The following ZNF215 variants were observed in gnomAD, a reference collection of about 807,000 sequenced individuals.
The protein encoded by ZNF215 is BWSCR2-associated zinc finger protein 2.
ZNF215 carries 24 observed loss-of-function variants against 27.2 expected under a neutral mutation model. That is an observed-to-expected ratio of 0.88 (90% CI 0.64 to 1.24). The LOEUF is 1.24. Ranked by LOEUF, ZNF215 falls within the 50% of genes most tolerant of loss-of-function variation. The pLI is 0.00. For synonymous variants in ZNF215, 210 were observed against 204.0 expected, an observed-to-expected ratio of 1.03 and a Z score of -0.25; for missense variants, 675 against 605.7, an observed-to-expected ratio of 1.11 and a Z score of -1.20.
At chr11:6,977,742 G>T (rs1472088248) in intron 5 of ZNF215, among the ~76,000 whole-genome samples, 2 of 152,006 alleles carry the variant, frequency 1.3e-5, no homozygotes, top group Non-Finnish European at 2.9e-5. Context: ...AATTTCTGTT[G>T]TATATGCCAT....
At chr11:6,990,206 G>A (rs995783525), downstream of ZNF215, among the ~76,000 whole-genome samples, 1 of 152,120 alleles carries the variant, frequency 6.6e-6, no homozygotes, top group Non-Finnish European at 1.5e-5. Context: ...ATGTGTATCA[G>A]GCAGCAAGCC....
intron 2 of ZNF215, among the ~76,000 whole-genome samples, chr11:6,931,851 GT>G (rs955409391): frequency 6.6e-6 from 1 of 152,124 alleles, no homozygotes; most frequent in Non-Finnish European, 1.5e-5. Context: ...CAATTACGAA[GT>G]TTTTTTAAAT....
chr11:6,968,783 C>T (rs1299479188), intron 5 of ZNF215, among the ~76,000 whole-genome samples: 1 of 151,880 alleles, frequency 6.6e-6, no homozygotes, highest in East Asian at 1.9e-4. Context: ...GGAGGATCAC[C>T]TGAGCCCAGG....
chr11:6,932,767 A>G, intron 3 of ZNF215, 95 bp downstream of exon 3: 1 of 1,185,188 alleles, frequency 8.4e-7, no homozygotes, highest in Non-Finnish European at 1.2e-6. Flanking sequence ...CAAGTGCCAG[A>G]TCTTGAAGGA....
At position 6,956,146 on chromosome 11, in the gene ZNF215, G is replaced by A. The variant is rs139816129; in HGVS notation, c.1169G>A (p.Arg390Gln). The change falls in exon 7 of 7, where the codon CGA (arginine) becomes CAA (glutamine). Residue 390 changes from arginine to glutamine, a missense_variant. Physicochemically the swap from Arg to Gln is conservative, Grantham distance 43. Transcript: ENST00000278319. The part of the protein sequence containing the change: ...ECYQCGKAFC[R>Q]SSSLIRHQII... The stretch of plus-strand genomic sequence containing the variant: ...TATCAATGTGGGAAAGCCTTCTGCC[G>A]AAGTTCATCCCTTATTCGACATCAG... 3.3e-4 allele frequency: 530 copies of A among 1,613,684 alleles called. No individual in the cohort carries two copies. The highest frequency in any genetic ancestry group is 1.8e-3 in the Middle Eastern group (11 of 6,060).
intron 5 of ZNF215, among the ~76,000 whole-genome samples, chr11:6,981,575 T>C (rs1850953113): frequency 6.6e-6 from 1 of 152,030 alleles, no homozygotes; most frequent in Non-Finnish European, 1.5e-5. Flanking sequence ...TTCACTCTGA[T>C]GGTAGTTTCT....
In ZNF215 at chr11:6,965,323, T is replaced by C. The variant is rs577894642; in HGVS notation, c.805+9541T>C. 1.1e-4 allele frequency among the ~76,000 whole-genome samples: 16 copies of C among 152,274 alleles called. No individual in the cohort carries two copies. In the South Asian group the frequency reaches 2.7e-3, roughly 26 times the overall value. ...CAGTGACTGGAGGTATTCACTAGTA[T>C]GCAATGATGTAAAACCTGTTTTTAA... On this transcript the variant is annotated intron_variant, in intron 5 of 5. Transcript: ENST00000529903.
chr11:6,943,243 T>A, intron 5 of ZNF215, 28 bp downstream of exon 5: 1 of 1,590,972 alleles, frequency 6.3e-7, no homozygotes, highest in Non-Finnish European at 8.5e-7. Flanking sequence ...ACCTAATCTG[T>A]CCATTTAGTA....
chr11:6,953,359 C>T (rs940662031), intron 6 of ZNF215, among the ~76,000 whole-genome samples: 3 of 152,238 alleles, frequency 2.0e-5, no homozygotes, highest in African/African-American at 4.8e-5. Context: ...TTCCCCGTCA[C>T]TTTCAGATAC....
chr11:6,928,778 A>AT (rs1469002120), intron 2 of ZNF215, among the ~76,000 whole-genome samples: 4 of 151,692 alleles, frequency 2.6e-5, no homozygotes, highest in Non-Finnish European at 5.9e-5. Flanking sequence ...CCCATAGTTC[A>AT]TTTTTTTGTT....
At position 6,983,407 on chromosome 11, in the gene ZNF215, A is replaced by G. The variant is rs183551095; in HGVS notation, c.806-722A>G. On this transcript the variant is annotated intron_variant, in intron 5 of 5. Coordinates refer to the ZNF215 transcript ENST00000529903. ...GAGGGAATCCTCCCTAACTCATTTTATGAGGCCAGCATCATCTTGATACCA... is the reference window on the plus strand; with the variant it reads ...GAGGGAATCCTCCCTAACTCATTTTGTGAGGCCAGCATCATCTTGATACCA... 2.2e-3 allele frequency among the ~76,000 whole-genome samples: 337 copies of G among 152,330 alleles called. 3 individuals are homozygous for G. Among genetic ancestry groups the G allele is most frequent in the Admixed American group, 5.6e-3 (85 of 15,296 alleles).
At position 6,956,361 on chromosome 11, in the gene ZNF215, T is replaced by G; in HGVS notation, c.1384T>G (p.Tyr462Asp). 1 of 1,614,172 alleles carries G rather than the reference T, an allele frequency of 6.2e-7. No individual in the cohort carries two copies. The highest frequency in any genetic ancestry group is 8.5e-7 in the Non-Finnish European group (1 of 1,180,012). Residue 462 changes from tyrosine (Y) to aspartate (D), a missense_variant, in exon 7 of 7, where the codon TAT (tyrosine) becomes GAT (aspartate). Tyr to Asp is a radical substitution (Grantham distance 160). Transcript: ENST00000278319. The part of the protein sequence containing the change: ...NPTLHFGNNF[Y>D]QCVNCGKSFN... ...AACACTCCATTTTGGAAACAATTTCTATCAATGTGTTAACTGTGGAAAATC... is the reference window on the plus strand; with the variant it reads ...AACACTCCATTTTGGAAACAATTTCGATCAATGTGTTAACTGTGGAAAATC...
chr11:6,932,061 G>T, intron 2 of ZNF215, 33 bp from the exon 3 acceptor site: 2 of 522,494 alleles, frequency 3.8e-6, no homozygotes, highest in Non-Finnish European at 6.6e-6. Context: ...ATAGATGTTT[G>T]TTCCCTGTGG....
chr11:6,949,576 GTTGT>G (rs199580078), intron 6 of ZNF215, among the ~76,000 whole-genome samples: 8,936 of 152,168 alleles, frequency 0.059, 325 homozygotes, highest in East Asian at 0.15. Context: ...TGTTGATGGC[GTTGT>G]TTGTTTTTTT....
chr11:6,933,047 G>C (rs1849318869), intron 3 of ZNF215, among the ~76,000 whole-genome samples: 1 of 152,228 alleles, frequency 6.6e-6, no homozygotes. Flanking sequence ...ACTTGTAGCA[G>C]AGACTGTACT....
At chr11:6,943,250 A>C in intron 5 of ZNF215, 35 bp downstream of exon 5, 1 of 1,586,258 alleles carries the variant, frequency 6.3e-7, no homozygotes, top group Non-Finnish European at 8.6e-7. Flanking sequence ...CTGTCCATTT[A>C]GTAATCTCTT....
intron 5 of ZNF215, among the ~76,000 whole-genome samples, chr11:6,972,658 A>T (rs1850741045): frequency 6.6e-6 from 1 of 152,186 alleles, no homozygotes; most frequent in South Asian, 2.1e-4. Flanking sequence ...AAACTCTTAT[A>T]TAAATCAATG....
intron 5 of ZNF215, among the ~76,000 whole-genome samples, chr11:6,978,029 C>A (rs1036475002): frequency 1.3e-5 from 2 of 152,032 alleles, no homozygotes; most frequent in African/African-American, 4.8e-5. Flanking sequence ...TCAATCCCAT[C>A]AGTGTAATGC....
At chr11:6,958,153 C>T (rs1236589390), downstream of ZNF215, 2 of 836,824 alleles carry the variant, frequency 2.4e-6, no homozygotes, top group Non-Finnish European at 2.9e-6. Flanking sequence ...TGTAGAGAAG[C>T]CTAACAAGAG....
Sources: gnomAD v4.1 joint callset for allele counts (sites outside exome capture counted in the v4.1 genomes callset) on GRCh38, gnomAD v4.1.1 for gene constraint, MANE v1.5 for transcripts, NCBI Gene and HGNC (gene_info 2026-07-23, HGNC 2026-07-21) for gene names.